The following EML1 variants were observed in gnomAD, a reference collection of about 807,000 sequenced individuals.
The protein encoded by EML1 is EMAP like 1.
A neutral mutation model predicts 110.4 loss-of-function variants in EML1; 27 were observed. The observed-to-expected ratio is 0.24, with a 90% CI of 0.18 to 0.34. The LOEUF is 0.34. EML1 is among the 10% of genes least tolerant of loss of function. The pLI, the probability that EML1 is intolerant of heterozygous loss-of-function variation, is 1.00. For synonymous variants in EML1, 344 were observed against 385.8 expected (o/e 0.89, Z 1.27); for missense variants, 741 against 1,030.9 (o/e 0.72, Z 3.85).
At chr14:99,798,573 G>T (rs764817477) in intron 1 of EML1, among the ~76,000 whole-genome samples, 4 of 151,930 alleles carry the variant, frequency 2.6e-5, no homozygotes, top group Non-Finnish European at 4.4e-5. Flanking sequence ...TGTATTTTTA[G>T]TAGAAATGGG....
intron 1 of EML1, among the ~76,000 whole-genome samples, chr14:99,819,869 G>A (rs556033778): frequency 2.6e-5 from 4 of 152,202 alleles, no homozygotes; most frequent in Admixed American, 6.5e-5. Flanking sequence ...GTTTCTCTGC[G>A]TTTGAAAATC....
At chr14:99,874,977 T>G in intron 3 of EML1, 1 of 1,613,784 alleles carries the variant, frequency 6.2e-7, no homozygotes, top group Non-Finnish European at 8.5e-7. Flanking sequence ...ACTGAATAGA[T>G]CGACACCAAG....
At chr14:99,922,075 C>T (rs79239060) in intron 17 of EML1, among the ~76,000 whole-genome samples, 1 of 152,258 alleles carries the variant, frequency 6.6e-6, no homozygotes, top group Non-Finnish European at 1.5e-5. Flanking sequence ...GTGCACAGAG[C>T]AGTACTATAT....
intron 3 of EML1, among the ~76,000 whole-genome samples, chr14:99,872,363 C>G (rs755209872): frequency 2.3e-4 from 35 of 152,138 alleles, no homozygotes; most frequent in Admixed American, 6.5e-4. Context: ...TGCTTAGTAG[C>G]CATCGTGTTA....
chr14:99,878,875 G>A lies in EML1; in HGVS notation c.518+256G>A, dbSNP rs374399720. Among the ~76,000 whole-genome samples, 10 of 152,292 alleles carry A rather than the reference G, an allele frequency of 6.6e-5. No individual in the cohort carries two copies. In the South Asian group the frequency reaches 2.1e-3, roughly 32 times the overall value. On this transcript the variant is annotated intron_variant, in intron 4 of 21. Coordinates refer to ENST00000262233, the MANE Select transcript of EML1 (RefSeq NM_004434.3). Reference sequence around the variant, plus strand: ...CAGCACTCTCATGTAGACATAAGTAGTTCCTGAGAATTTCTTAGTACCAAG... The same window carrying A: ...CAGCACTCTCATGTAGACATAAGTAATTCCTGAGAATTTCTTAGTACCAAG...
At chr14:99,832,649 G>A (rs977470111) in intron 1 of EML1, among the ~76,000 whole-genome samples, 13 of 152,178 alleles carry the variant, frequency 8.5e-5, no homozygotes, top group African/African-American at 2.9e-4. Context: ...ATGCTTATTT[G>A]CCATCTGTAT....
At chr14:99,924,812 A>G (rs989050195) in intron 17 of EML1, among the ~76,000 whole-genome samples, 3 of 152,168 alleles carry the variant, frequency 2.0e-5, no homozygotes, top group Non-Finnish European at 4.4e-5. Context: ...AGTTTATCAG[A>G]TGCTTTTTCT....
intron 1 of EML1, among the ~76,000 whole-genome samples, chr14:99,841,134 C>G (rs1045619684): frequency 6.6e-6 from 1 of 152,144 alleles, no homozygotes; most frequent in Non-Finnish European, 1.5e-5. Context: ...CGTGTGCTGC[C>G]AAGTGGGAGG....
intron 1 of EML1, chr14:99,850,110 TTG>T: frequency 5.5e-6 from 2 of 365,360 alleles, no homozygotes; most frequent in African/African-American, 2.2e-5. Flanking sequence ...TTTTTTTTTT[TTG>T]GTATTTTGTA....
At chr14:99,869,813 G>A (rs187897721) in intron 3 of EML1, among the ~76,000 whole-genome samples, 3 of 152,272 alleles carry the variant, frequency 2.0e-5, no homozygotes, top group African/African-American at 7.2e-5. Context: ...GTTTAAAAGA[G>A]CGTGGCACCT....
intron 17 of EML1, among the ~76,000 whole-genome samples, chr14:99,931,508 C>G (rs571502697): frequency 6.6e-6 from 1 of 152,306 alleles, no homozygotes; most frequent in East Asian, 1.9e-4. Flanking sequence ...CCCTGAGCAC[C>G]TGGACTCTTG....
chr14:99,917,889 T>C (rs763047775), intron 16 of EML1, 40 bp downstream of exon 16: 14 of 1,602,308 alleles, frequency 8.7e-6, no homozygotes, highest in Non-Finnish European at 1.1e-5. Flanking sequence ...GCAAAGCTTA[T>C]GGAAAAGAGG....
chr14:99,806,907 A>G (rs1360711867), intron 1 of EML1, among the ~76,000 whole-genome samples: 2 of 152,226 alleles, frequency 1.3e-5, no homozygotes, highest in African/African-American at 2.4e-5. Flanking sequence ...CTGATCGCCA[A>G]TAACATGCAT....
At chr14:99,794,722 C>T (rs573590811) in intron 1 of EML1, among the ~76,000 whole-genome samples, 42 of 152,176 alleles carry the variant, frequency 2.8e-4, no homozygotes, top group Non-Finnish European at 4.3e-4. Context: ...GTAATTCCCT[C>T]TTCAGTGGAA....
rs559162770 is a variant in EML1, at chr14:99,799,569, G to A, written c.67+6026G>A. Among the ~76,000 whole-genome samples the A allele has an allele frequency of 4.6e-5, 7 of 152,320 alleles. No individual in the cohort carries two copies. In the South Asian group the frequency reaches 6.2e-4, roughly 14 times the overall value. ...AAAAGTGCAAAGCAAAAGCACCCACGCTAAGCGAGAATTTCTAATTAGTAT... is the reference window on the plus strand; with the variant it reads ...AAAAGTGCAAAGCAAAAGCACCCACACTAAGCGAGAATTTCTAATTAGTAT... On this transcript the variant is annotated intron_variant, in intron 1 of 21. Transcript: ENST00000262233.
At chr14:99,788,589 C>T (rs907961978), upstream of EML1, among the ~76,000 whole-genome samples, 1 of 152,102 alleles carries the variant, frequency 6.6e-6, no homozygotes, top group Non-Finnish European at 1.5e-5. Context: ...CACTGCACTC[C>T]AACCTGGGCA....
Position 99,764,868 on chromosome 14 carries a change from GT to G in EML1, c.28+27016del, listed in dbSNP as rs977374123. 2.6e-5 allele frequency among the ~76,000 whole-genome samples: 4 copies of G among 151,994 alleles called. No homozygotes were observed. The South Asian group carries it at 6.2e-4, about 24-fold the overall frequency. ...TCCTGCCCGTTCCTCAGTCAGTGTT[GT>G]TTTTTTTACTATAGCAAAATATATA... On this transcript the variant is annotated intron_variant, in intron 1 of 10. Coordinates refer to the EML1 transcript ENST00000554479.
chr14:99,772,334 T>A (rs2057435999), upstream of EML1, among the ~76,000 whole-genome samples: 1 of 152,236 alleles, frequency 6.6e-6, no homozygotes, highest in Non-Finnish European at 1.5e-5. Flanking sequence ...AATTTGGGGT[T>A]CTCCTTCTCT....
intron 1 of EML1, among the ~76,000 whole-genome samples, chr14:99,753,829 C>G (rs1008846510): frequency 6.6e-6 from 1 of 152,246 alleles, no homozygotes; most frequent in Non-Finnish European, 1.5e-5. Context: ...ATCCTGTTTT[C>G]TCTTCCCCAC....
Sources: gnomAD v4.1 joint callset for allele counts (sites outside exome capture counted in the v4.1 genomes callset) on GRCh38, gnomAD v4.1.1 for gene constraint, MANE v1.5 for transcripts, NCBI Gene and HGNC (gene_info 2026-07-23, HGNC 2026-07-21) for gene names.